The following KCNMB2 variants were observed in gnomAD, a reference collection of about 807,000 sequenced individuals.
KCNMB2 encodes potassium calcium-activated channel subfamily M regulatory beta subunit 2.
A neutral mutation model predicts 24.5 loss-of-function variants in KCNMB2; 9 were observed. The ratio of observed to expected loss-of-function variants is 0.37; its 90% CI spans 0.22 to 0.64. The LOEUF is 0.64. Ranked by LOEUF, KCNMB2 falls within the 30% of genes least tolerant of loss-of-function variation. KCNMB2 has a pLI of 0.63. For missense variants in KCNMB2, 226 were observed against 284.3 expected (o/e 0.79, Z 1.47); for synonymous variants, 109 against 104.4 (o/e 1.04, Z -0.27).
At chr3:178,643,785 C>G (rs948181636) in intron 1 of KCNMB2, among the ~76,000 whole-genome samples, 1 of 152,156 alleles carries the variant, frequency 6.6e-6, no homozygotes, top group African/African-American at 2.4e-5. Context: ...TCCTCACACA[C>G]GTTGCCTTCT....
intron 1 of KCNMB2, among the ~76,000 whole-genome samples, chr3:178,711,616 A>G (rs1722457445): frequency 6.8e-6 from 1 of 146,366 alleles, no homozygotes; most frequent in Admixed American, 6.9e-5. Flanking sequence ...GCCACTTCCT[A>G]TACGAAACCC....
chr3:178,627,001 C>T (rs1429483419), intron 1 of KCNMB2, among the ~76,000 whole-genome samples: 1 of 151,004 alleles, frequency 6.6e-6, no homozygotes, highest in Non-Finnish European at 1.5e-5. Flanking sequence ...TGGCAAAATC[C>T]AAGGTTATAA....
chr3:178,675,307 A>G (rs550543547), intron 1 of KCNMB2, among the ~76,000 whole-genome samples: 10 of 152,322 alleles, frequency 6.6e-5, no homozygotes, highest in Middle Eastern at 3.4e-3. Context: ...AGACTTGCAG[A>G]ACTTGATGAG....
chr3:178,778,246 A>T (rs1712662539), intron 1 of KCNMB2, among the ~76,000 whole-genome samples: 1 of 152,178 alleles, frequency 6.6e-6, no homozygotes, highest in African/African-American at 2.4e-5. Context: ...ACCTTGATAC[A>T]ACTGAAGCTT....
intron 1 of KCNMB2, among the ~76,000 whole-genome samples, chr3:178,586,536 T>TCC (rs1717437791): frequency 1.7e-5 from 2 of 116,240 alleles, no homozygotes; most frequent in African/African-American, 7.3e-5. Context: ...TTTTTTTTCT[T>TCC]TCTTTTTTTT....
intron 1 of KCNMB2, among the ~76,000 whole-genome samples, chr3:178,538,777 GT>G (rs971051423): frequency 1.4e-4 from 21 of 151,066 alleles, no homozygotes; most frequent in African/African-American, 1.9e-4. Flanking sequence ...TATGGTGCTT[GT>G]TTTTTTTTCT....
At chr3:178,814,192 G>C (rs1045495347) in intron 2 of KCNMB2, among the ~76,000 whole-genome samples, 1 of 152,028 alleles carries the variant, frequency 6.6e-6, no homozygotes, top group Non-Finnish European at 1.5e-5. Flanking sequence ...ATTGTTTCCA[G>C]TTTTATGTCC....
At chr3:178,565,298 A>C (rs989595329) in intron 1 of KCNMB2, among the ~76,000 whole-genome samples, 1 of 152,154 alleles carries the variant, frequency 6.6e-6, no homozygotes, top group Non-Finnish European at 1.5e-5. Context: ...TAATGAACCC[A>C]AAGTCATACA....
chr3:178,665,555 G>A (rs12486694), intron 1 of KCNMB2, among the ~76,000 whole-genome samples: 41,800 of 151,894 alleles, frequency 0.28, 5,843 homozygotes, highest in Middle Eastern at 0.39. Flanking sequence ...AAGCTACTTT[G>A]CACTATACAA....
intron 1 of KCNMB2, among the ~76,000 whole-genome samples, chr3:178,716,234 T>C (rs1722613235): frequency 6.6e-6 from 1 of 152,206 alleles, no homozygotes; most frequent in South Asian, 2.1e-4. Context: ...CATAATAACA[T>C]TGATAGTATC....
intron 1 of KCNMB2, among the ~76,000 whole-genome samples, chr3:178,673,102 T>G (rs1720959658): frequency 6.6e-6 from 1 of 152,164 alleles, no homozygotes; most frequent in Non-Finnish European, 1.5e-5. Context: ...ACCCAATTAT[T>G]TGTATCCCTC....
At chr3:178,574,365 C>T (rs543815035) in intron 1 of KCNMB2, among the ~76,000 whole-genome samples, 1 of 152,180 alleles carries the variant, frequency 6.6e-6, no homozygotes, top group African/African-American at 2.4e-5. Flanking sequence ...ACTAAGTGAG[C>T]CTTATTCCTT....
At chr3:178,604,553 T>C (rs541129478) in intron 1 of KCNMB2, among the ~76,000 whole-genome samples, 1 of 152,344 alleles carries the variant, frequency 6.6e-6, no homozygotes, top group African/African-American at 2.4e-5. Context: ...TCAAGTCTGA[T>C]TTTAAATGGT....
intron 1 of KCNMB2, among the ~76,000 whole-genome samples, chr3:178,577,000 A>G (rs2108484398): frequency 6.6e-6 from 1 of 152,228 alleles, no homozygotes; most frequent in African/African-American, 2.4e-5. Flanking sequence ...CTGCTAAGGG[A>G]CAGACTGCCT....
intron 1 of KCNMB2, among the ~76,000 whole-genome samples, chr3:178,582,866 TA>T (rs1425133496): frequency 6.6e-6 from 1 of 152,170 alleles, no homozygotes; most frequent in African/African-American, 2.4e-5. Context: ...GGCCTTGGAT[TA>T]AATACTATTT....
intron 1 of KCNMB2, among the ~76,000 whole-genome samples, chr3:178,727,379 G>C (rs1468953014): frequency 6.6e-6 from 1 of 152,148 alleles, no homozygotes; most frequent in South Asian, 2.1e-4. Context: ...GTGGTAGGCA[G>C]AGTAGTAGAC....
At chr3:178,767,503 C>T (rs1167516402) in intron 1 of KCNMB2, among the ~76,000 whole-genome samples, 1 of 152,156 alleles carries the variant, frequency 6.6e-6, no homozygotes, top group Admixed American at 6.5e-5. Flanking sequence ...AAAAATCAAC[C>T]AATATTCTCT....
chr3:178,741,672 C>T lies in KCNMB2; in HGVS notation c.-67-65671C>T, dbSNP rs112690966. Among the ~76,000 whole-genome samples, 60 of 152,306 alleles carry T rather than the reference C, an allele frequency of 3.9e-4. 1 individual carries two copies. The South Asian group carries it at 0.011, about 28-fold the overall frequency. On this transcript the variant is annotated intron_variant, in intron 1 of 4. Transcript: ENST00000452583. The stretch of plus-strand genomic sequence containing the variant: ...TCAATTTCAGACCAGGCGTCCACAA[C>T]CTTCCTTCAGCTATGAGAAAGCAAG...
At chr3:178,658,826 C>G (rs1388614426) in intron 1 of KCNMB2, among the ~76,000 whole-genome samples, 1 of 152,184 alleles carries the variant, frequency 6.6e-6, no homozygotes, top group African/African-American at 2.4e-5. Flanking sequence ...ATTATTACAT[C>G]AAAAGCCTAC....
Sources: allele counts gnomAD v4.1 joint callset (sites outside exome capture counted in the v4.1 genomes callset), GRCh38; gene constraint gnomAD v4.1.1; transcripts MANE v1.5; gene names NCBI Gene and HGNC (gene_info 2026-07-23, HGNC 2026-07-21).